The following AGBL4 variants were observed in gnomAD, a reference collection of about 807,000 sequenced individuals.
AGBL4 encodes the protein AGBL carboxypeptidase 4.
In AGBL4, 58 loss-of-function variants were observed where a neutral mutation model predicts 66.4. The observed-to-expected ratio is 0.87, with a 90% CI of 0.71 to 1.09. AGBL4 has a LOEUF of 1.09. Among genes scored for constraint, AGBL4 ranks in the 50% least tolerant of loss-of-function variants. The pLI, the probability that AGBL4 is intolerant of heterozygous loss-of-function variation, is 0.00. For missense variants in AGBL4, 579 were observed against 631.0 expected (o/e 0.92, Z 0.88); for synonymous variants, 234 against 222.9 (o/e 1.05, Z -0.44).
chr1:49,658,364 G>T (rs549842082), intron 3 of AGBL4, among the ~76,000 whole-genome samples: 1 of 152,302 alleles, frequency 6.6e-6, no homozygotes, highest in South Asian at 2.1e-4. Context: ...AACAACAGGT[G>T]CTGGAGAGGA....
chr1:48,989,493 A>G (rs1660439396), intron 5 of AGBL4, among the ~76,000 whole-genome samples: 1 of 151,998 alleles, frequency 6.6e-6, no homozygotes, highest in African/African-American at 2.4e-5. Flanking sequence ...TTTTATACTC[A>G]TTAACCATCC....
intron 1 of AGBL4, among the ~76,000 whole-genome samples, chr1:49,916,888 G>A (rs531474100): frequency 4.6e-5 from 7 of 152,096 alleles, no homozygotes; most frequent in Admixed American, 2.6e-4. Flanking sequence ...CGGATCTCTC[G>A]GCAGAAACCC....
intron 1 of AGBL4, among the ~76,000 whole-genome samples, chr1:49,869,574 A>C (rs1391776361): frequency 6.6e-6 from 1 of 152,070 alleles, no homozygotes. Flanking sequence ...GAGAGGAAAA[A>C]CACACACCGG....
At chr1:48,967,453 T>A (rs1658539795) in intron 5 of AGBL4, among the ~76,000 whole-genome samples, 1 of 152,220 alleles carries the variant, frequency 6.6e-6, no homozygotes, top group Admixed American at 6.5e-5. Flanking sequence ...CATAATTCCC[T>A]GTTTTCAAGA....
At chr1:49,735,608 C>T (rs1649822076) in intron 2 of AGBL4, among the ~76,000 whole-genome samples, 1 of 151,952 alleles carries the variant, frequency 6.6e-6, no homozygotes, top group African/African-American at 2.4e-5. Context: ...GAAATGAATA[C>T]ATTTACAAGA....
chr1:49,577,702 G>A lies in AGBL4; in HGVS notation c.282+119611C>T, dbSNP rs939037723. On this transcript the variant is annotated intron_variant, in intron 3 of 13. Coordinates refer to ENST00000371839, the MANE Select transcript of AGBL4 (RefSeq NM_032785.4). ...AGGCGCTCACTTTACCGCTAAAGAAGAGTGGCAGTAGGCTCAGGCTCATGG... is the reference window on the plus strand; with the variant it reads ...AGGCGCTCACTTTACCGCTAAAGAAAAGTGGCAGTAGGCTCAGGCTCATGG... 5.3e-5 allele frequency among the ~76,000 whole-genome samples: 8 copies of A among 152,224 alleles called. No individual in the cohort carries two copies. In the East Asian group the frequency reaches 5.8e-4, roughly 11 times the overall value.
At chr1:48,569,525 C>T (rs1348902899) in intron 11 of AGBL4, among the ~76,000 whole-genome samples, 2 of 152,150 alleles carry the variant, frequency 1.3e-5, no homozygotes, top group Non-Finnish European at 2.9e-5. Context: ...TTTCTAAGGC[C>T]TTATTTCTTG....
At position 49,045,613 on chromosome 1, in the gene AGBL4, A is replaced by C. The variant is rs1267297949; in HGVS notation, c.565T>G (p.Phe189Val). Reference protein sequence around the residue: ...DSLQKRNMDYFFREQLGQSVQ... With the variant: ...DSLQKRNMDYVFREQLGQSVQ... ...CTCTGGCCCAGCTGCTCCCGAAAGAAGTAATCCATGTTTCTCTTTTGCAGG... is the reference window on the plus strand; with the variant it reads ...CTCTGGCCCAGCTGCTCCCGAAAGACGTAATCCATGTTTCTCTTTTGCAGG... The change falls in exon 5 of 14, where the codon TTC (phenylalanine) becomes GTC (valine). Residue 189 changes from phenylalanine to valine, a missense_variant. Physicochemically the swap from Phe to Val is conservative, Grantham distance 50 (BLOSUM62 -1). Transcript: ENST00000371839. 3 of 1,604,356 alleles carry C rather than the reference A, an allele frequency of 1.9e-6. No individual in the cohort carries two copies. Among genetic ancestry groups the C allele is most frequent in the Admixed American group, 1.7e-5 (1 of 59,108 alleles).
intron 3 of AGBL4, among the ~76,000 whole-genome samples, chr1:49,297,264 G>A (rs1644661743): frequency 6.6e-6 from 1 of 152,192 alleles, no homozygotes; most frequent in Admixed American, 6.5e-5. Flanking sequence ...TAGCTGTGCT[G>A]AGATCTGAAG....
chr1:49,521,035 C>G lies in AGBL4; in HGVS notation c.282+176278G>C, dbSNP rs184183349. ...TGTTGGCCAGGCTGGTCTTGTACTCCCGACTTCATATGATCCACCCACCTT... is the reference window on the plus strand; with the variant it reads ...TGTTGGCCAGGCTGGTCTTGTACTCGCGACTTCATATGATCCACCCACCTT... On this transcript the variant is annotated intron_variant, in intron 3 of 13. Transcript: ENST00000371839. Among the ~76,000 whole-genome samples, 36 of 152,030 alleles carry G rather than the reference C, an allele frequency of 2.4e-4. 1 individual carries two copies.
intron 4 of AGBL4, among the ~76,000 whole-genome samples, chr1:49,172,758 T>C (rs1646761974): frequency 1.3e-5 from 2 of 152,140 alleles, no homozygotes; most frequent in African/African-American, 4.8e-5. Flanking sequence ...TGTGAGAAAC[T>C]TGAATATTAT....
intron 5 of AGBL4, among the ~76,000 whole-genome samples, chr1:48,920,591 A>G (rs1188962745): frequency 6.6e-6 from 1 of 152,204 alleles, no homozygotes; most frequent in Non-Finnish European, 1.5e-5. Flanking sequence ...CTATGAGGTA[A>G]GAATAATTAC....
At chr1:49,634,219 C>G (rs1037142755) in intron 3 of AGBL4, among the ~76,000 whole-genome samples, 10 of 152,078 alleles carry the variant, frequency 6.6e-5, no homozygotes, top group Non-Finnish European at 1.3e-4. Flanking sequence ...CCACTAGCCC[C>G]CCAACCCTGA....
chr1:49,251,717 G>A (rs527857618), intron 3 of AGBL4, among the ~76,000 whole-genome samples: 26 of 152,252 alleles, frequency 1.7e-4, no homozygotes, highest in African/African-American at 6.0e-4. Context: ...AGTTCCCCCA[G>A]CACAGTGAAC....
chr1:49,442,358 C>T (rs1244854389), intron 3 of AGBL4, among the ~76,000 whole-genome samples: 1 of 152,130 alleles, frequency 6.6e-6, no homozygotes, highest in Non-Finnish European at 1.5e-5. Flanking sequence ...AGAGGGAATG[C>T]CCTGTGCAAA....
chr1:48,700,166 T>C (rs970912754), intron 6 of AGBL4, among the ~76,000 whole-genome samples: 1 of 152,104 alleles, frequency 6.6e-6, no homozygotes, highest in Non-Finnish European at 1.5e-5. Flanking sequence ...TCACACACAA[T>C]AGAGTCTATC....
chr1:49,054,867 C>G (rs2374912), intron 4 of AGBL4, among the ~76,000 whole-genome samples: 1 of 151,794 alleles, frequency 6.6e-6, no homozygotes, highest in Non-Finnish European at 1.5e-5. Flanking sequence ...GAGACTTTTA[C>G]ATTTTGGCTG....
At chr1:49,292,827 A>G (rs984613454) in intron 3 of AGBL4, among the ~76,000 whole-genome samples, 17 of 152,152 alleles carry the variant, frequency 1.1e-4, no homozygotes, top group South Asian at 6.2e-4. Context: ...CTGTTACTCA[A>G]TAAAGCTCCT....
At chr1:49,391,136 G>T (rs1367140609) in intron 3 of AGBL4, among the ~76,000 whole-genome samples, 1 of 152,168 alleles carries the variant, frequency 6.6e-6, no homozygotes, top group Non-Finnish European at 1.5e-5. Flanking sequence ...GTGGGAACTG[G>T]TAATAGTTGA....
Sources: allele counts gnomAD v4.1 joint callset (sites outside exome capture counted in the v4.1 genomes callset), GRCh38; gene constraint gnomAD v4.1.1; transcripts MANE v1.5; gene names NCBI Gene and HGNC (gene_info 2026-07-23, HGNC 2026-07-21).